Variants in BDP1 observed in about 807,000 individuals in gnomAD.
The protein encoded by BDP1 is BDP1 general transcription factor IIIB subunit.
In BDP1, 169 loss-of-function variants were observed where a neutral mutation model predicts 266.6. The ratio of observed to expected loss-of-function variants is 0.63; its 90% CI spans 0.56 to 0.72. The LOEUF (loss-of-function observed/expected upper bound fraction) is 0.72, where lower values mean the gene tolerates loss of function less well. Ranked by LOEUF, BDP1 falls within the 30% of genes least tolerant of loss-of-function variation. The pLI is 0.00. For synonymous variants in BDP1, 1,090 were observed against 1,022.4 expected (o/e 1.07, Z -1.26); for missense variants, 3,015 against 3,053.8 (o/e 0.99, Z 0.30).
At chr5:71,482,458 G>A (rs186002152) in intron 7 of BDP1, among the ~76,000 whole-genome samples, 5 of 152,304 alleles carry the variant, frequency 3.3e-5, no homozygotes, top group Admixed American at 6.5e-5. Flanking sequence ...AAAGTCATTC[G>A]TGGTGGAGTT....
At chr5:71,556,523 C>T (rs1743227625) in intron 35 of BDP1, among the ~76,000 whole-genome samples, 1 of 151,872 alleles carries the variant, frequency 6.6e-6, no homozygotes, top group Non-Finnish European at 1.5e-5. Flanking sequence ...TGATTTTTCT[C>T]CTCAGGTCTG....
At position 71,464,196 on chromosome 5, in the gene BDP1, T is replaced by C; in HGVS notation, c.659+79T>C. ...ATCAAATGGTGCTTCCTGTTATAGT[T>C]GAATTACATTTGATTGGGGTTGGGC... On this transcript the variant is annotated intron_variant, in intron 4 of 38. Coordinates refer to ENST00000358731, the MANE Select transcript of BDP1 (RefSeq NM_018429.3). The C allele has an allele frequency of 4.5e-6, 4 of 890,556 alleles. No individual in the cohort carries two copies. The South Asian group carries it at 7.0e-5, about 16-fold the overall frequency. The allele number at this position is 890,556 out of a possible 1,614,324, so 55.2% of individuals were successfully genotyped here.
chr5:71,516,389 G>T, intron 21 of BDP1, 118 bp downstream of exon 21: 14 of 690,596 alleles, frequency 2.0e-5, no homozygotes, highest in East Asian at 9.0e-5. Context: ...AATGAATACA[G>T]TTTCCAGTTT....
intron 6 of BDP1, among the ~76,000 whole-genome samples, chr5:71,469,810 T>TTTCAC (rs1762126234): frequency 6.6e-6 from 1 of 150,622 alleles, no homozygotes; most frequent in Non-Finnish European, 1.5e-5. Flanking sequence ...AGAGACAGGG[T>TTTCAC]TTCACCATGT....
At chr5:71,547,702 C>A (rs1011799279) in intron 32 of BDP1, among the ~76,000 whole-genome samples, 19 of 152,156 alleles carry the variant, frequency 1.2e-4, no homozygotes, top group Non-Finnish European at 2.5e-4. Context: ...TGTATTCCAG[C>A]TCTTTGGGAG....
At chr5:71,473,524 C>T (rs1352428814) in intron 7 of BDP1, among the ~76,000 whole-genome samples, 2 of 151,550 alleles carry the variant, frequency 1.3e-5, no homozygotes, top group Admixed American at 6.6e-5. Context: ...CCGCCTGCCT[C>T]GGCCTCCCAA....
intron 36 of BDP1, among the ~76,000 whole-genome samples, chr5:71,558,432 AGATT>A (rs1743381001): frequency 6.6e-6 from 1 of 152,140 alleles, no homozygotes; most frequent in South Asian, 2.1e-4. Flanking sequence ...CTGAGGCAGG[AGATT>A]GCTTGAACCT....
chr5:71,536,375 G>A (rs1021140410), intron 26 of BDP1, among the ~76,000 whole-genome samples: 2 of 152,164 alleles, frequency 1.3e-5, no homozygotes, highest in Non-Finnish European at 2.9e-5. Context: ...ACAATTTGCA[G>A]TTAAATAGCA....
intron 36 of BDP1, 23 bp downstream of exon 36, chr5:71,556,948 TGA>T (rs1743258667): frequency 7.3e-7 from 1 of 1,374,872 alleles, no homozygotes; most frequent in Non-Finnish European, 9.7e-7. Context: ...CATTTTAACA[TGA>T]TTGCATTTTG....
chr5:71,480,919 G>A (rs1409915329), intron 7 of BDP1, among the ~76,000 whole-genome samples: 1 of 152,182 alleles, frequency 6.6e-6, no homozygotes, highest in Non-Finnish European at 1.5e-5. Flanking sequence ...GCTCATGCCT[G>A]TAGTCCCAAC....
At chr5:71,520,443 A>G (rs1765437783) in intron 22 of BDP1, among the ~76,000 whole-genome samples, 1 of 152,232 alleles carries the variant, frequency 6.6e-6, no homozygotes, top group African/African-American at 2.4e-5. Flanking sequence ...CTTATATTAC[A>G]AATGCTATAT....
chr5:71,488,134 C>A (rs2150405633), intron 9 of BDP1, among the ~76,000 whole-genome samples: 1 of 150,996 alleles, frequency 6.6e-6, no homozygotes, highest in Non-Finnish European at 1.5e-5. Flanking sequence ...AATGTAAGAA[C>A]TTTTTTTTTG....
Position 71,467,508 on chromosome 5 carries a change from A to G in BDP1, c.919+21A>G, listed in dbSNP as rs191832489. The G allele has an allele frequency of 2.6e-6, 4 of 1,544,768 alleles. No homozygotes were observed. The East Asian group carries it at 9.0e-5, about 35-fold the overall frequency. ...TAAAGGTAACTAATTTTCATTTAAAAATGTGTAAGTTCTCTATTTGAAATG... is the reference window on the plus strand; with the variant it reads ...TAAAGGTAACTAATTTTCATTTAAAGATGTGTAAGTTCTCTATTTGAAATG... On this transcript the variant is annotated intron_variant, in intron 6 of 38. Coordinates refer to ENST00000358731, the MANE Select transcript of BDP1 (RefSeq NM_018429.3).
chr5:71,557,878 G>T (rs1743337682), intron 36 of BDP1, among the ~76,000 whole-genome samples: 1 of 152,020 alleles, frequency 6.6e-6, no homozygotes. Flanking sequence ...CTGAAAATTA[G>T]TTTAGTTCTA....
At position 71,524,064 on chromosome 5, in the gene BDP1, C is replaced by T. The variant is rs1252466156; in HGVS notation, c.5513C>T (p.Pro1838Leu). The T allele has an allele frequency of 1.9e-6, 3 of 1,614,102 alleles. No individual in the cohort carries two copies. Among genetic ancestry groups the T allele is most frequent in the Admixed American group, 3.3e-5 (2 of 60,010 alleles). Reference protein sequence around the residue: ...GERRSHKKFKPNVTRGRGSKR... With the variant: ...GERRSHKKFKLNVTRGRGSKR... ...AGGAGAAGTCATAAAAAGTTCAAAC[C>T]AAATGTCACCAGAGGTCGTGGATCA... Residue 1838 changes from proline (P) to leucine (L), a missense_variant, in exon 25 of 39, where the codon CCA (proline) becomes CTA (leucine). Physicochemically the swap from Pro to Leu is moderately conservative, Grantham distance 98. This residue lies in a region of BDP1 where 2,383 missense variants were observed against 2,404.9 expected (regional missense o/e 0.99). Transcript: ENST00000358731.
chr5:71,508,064 C>T (rs1192958167), intron 16 of BDP1, among the ~76,000 whole-genome samples: 1 of 151,892 alleles, frequency 6.6e-6, no homozygotes, highest in Non-Finnish European at 1.5e-5. Flanking sequence ...CCCTGGGTTC[C>T]AGCTATTTTC....
intron 35 of BDP1, among the ~76,000 whole-genome samples, chr5:71,555,196 T>G (rs1297608654): frequency 6.6e-6 from 1 of 152,236 alleles, no homozygotes; most frequent in Admixed American, 6.5e-5. Context: ...TATTACTGAT[T>G]TGTTGCGAAT....
intron 26 of BDP1, among the ~76,000 whole-genome samples, chr5:71,538,730 A>G (rs1282345509): frequency 1.3e-5 from 2 of 152,214 alleles, no homozygotes; most frequent in African/African-American, 4.8e-5. Context: ...AGATATGACT[A>G]GAGTTGAAGG....
At chr5:71,552,149 A>T (rs866902653) in intron 34 of BDP1, among the ~76,000 whole-genome samples, 3,041 of 66,842 alleles carry the variant, frequency 0.045, no homozygotes, top group Non-Finnish European at 0.061. Flanking sequence ...CAGATGGGGC[A>T]GCCGGGCAGA....
Sources: gnomAD v4.1 joint callset for allele counts (sites outside exome capture counted in the v4.1 genomes callset) on GRCh38, gnomAD v4.1.1 for gene constraint, gnomAD v4.1.1 regional missense constraint, MANE v1.5 for transcripts, NCBI Gene and HGNC (gene_info 2026-07-23, HGNC 2026-07-21) for gene names.